The following IL1RAP variants were observed in gnomAD, a reference collection of about 807,000 sequenced individuals.
IL1RAP encodes interleukin-1 receptor accessory protein.
A neutral mutation model predicts 60.7 loss-of-function variants in IL1RAP; 35 were observed. The ratio of observed to expected loss-of-function variants is 0.58; its 90% CI spans 0.44 to 0.76. The LOEUF is 0.76. IL1RAP is among the 30% of genes least tolerant of loss of function. The pLI is 0.00. For missense variants in IL1RAP, 572 were observed against 693.9 expected (o/e 0.82, Z 1.97); for synonymous variants, 268 against 250.9 (o/e 1.07, Z -0.64).
chr3:190,613,352 G>A (rs570089203), intron 5 of IL1RAP, among the ~76,000 whole-genome samples: 2 of 152,250 alleles, frequency 1.3e-5, no homozygotes, highest in South Asian at 2.1e-4. Context: ...TCTAGCTGGC[G>A]GGTGGCAGTG....
intron 3 of IL1RAP, among the ~76,000 whole-genome samples, chr3:190,587,623 A>G (rs1728577485): frequency 6.6e-6 from 1 of 152,262 alleles, no homozygotes; most frequent in African/African-American, 2.4e-5. Flanking sequence ...GAATTCCTAT[A>G]TTCAAAGAAA....
intron 3 of IL1RAP, among the ~76,000 whole-genome samples, chr3:190,565,067 G>A (rs1726256230): frequency 6.6e-6 from 1 of 151,578 alleles, no homozygotes; most frequent in Non-Finnish European, 1.5e-5. Flanking sequence ...TTCTTAGAAA[G>A]TTTTTAGTAC....
intron 2 of IL1RAP, among the ~76,000 whole-genome samples, chr3:190,556,522 G>A (rs554654314): frequency 6.6e-6 from 1 of 152,294 alleles, no homozygotes; most frequent in South Asian, 2.1e-4. Flanking sequence ...GAGGCCTAGA[G>A]AAGGGAAACC....
intron 1 of IL1RAP, among the ~76,000 whole-genome samples, chr3:190,552,700 G>A (rs1476193678): frequency 1.3e-5 from 2 of 152,064 alleles, no homozygotes; most frequent in Non-Finnish European, 2.9e-5. Context: ...GCCTCTGAGT[G>A]CTTTAATTTT....
At chr3:190,658,438 TTGAGC>T (rs1734684266) in exon 12 of IL1RAP, 1 of 152,222 alleles carries the variant, frequency 6.6e-6, no homozygotes, top group Non-Finnish European at 1.5e-5. Context: ...GCTGTTACAA[TTGAGC>T]TGATCTGACC....
intron 4 of IL1RAP, among the ~76,000 whole-genome samples, chr3:190,604,785 T>C (rs1730157486): frequency 6.6e-6 from 1 of 152,178 alleles, no homozygotes; most frequent in African/African-American, 2.4e-5. Context: ...GTATCTGTTT[T>C]TCTTGGCATC....
intron 2 of IL1RAP, among the ~76,000 whole-genome samples, chr3:190,561,071 T>G (rs1725845370): frequency 6.6e-6 from 1 of 152,158 alleles, no homozygotes; most frequent in Admixed American, 6.5e-5. Context: ...GCAGGGTCTG[T>G]TAGGCCCCAT....
intron 3 of IL1RAP, among the ~76,000 whole-genome samples, chr3:190,602,386 CATTA>C (rs1376097705): frequency 6.6e-6 from 1 of 151,966 alleles, no homozygotes; most frequent in Non-Finnish European, 1.5e-5. Context: ...ATTTTATAAT[CATTA>C]ATTACTTATA....
downstream of IL1RAP, among the ~76,000 whole-genome samples, chr3:190,654,187 A>G (rs899156771): frequency 3.2e-5 from 2 of 61,650 alleles, no homozygotes; most frequent in Admixed American, 3.9e-4. Context: ...GTGAAACATC[A>G]TATCACACAC....
intron 1 of IL1RAP, among the ~76,000 whole-genome samples, chr3:190,555,288 C>T (rs1725310022): frequency 7.9e-6 from 1 of 126,118 alleles, no homozygotes; most frequent in Non-Finnish European, 1.7e-5. Flanking sequence ...AAGTGATGTG[C>T]TCCTTCCTCC....
intron 9 of IL1RAP, among the ~76,000 whole-genome samples, chr3:190,639,311 G>C (rs959877533): frequency 6.6e-6 from 1 of 152,034 alleles, no homozygotes; most frequent in Admixed American, 6.6e-5. Flanking sequence ...CACTGATCTC[G>C]TTATTTTTAT....
At chr3:190,519,310 GAACA>G (rs1032844128) in intron 1 of IL1RAP, among the ~76,000 whole-genome samples, 3 of 152,108 alleles carry the variant, frequency 2.0e-5, no homozygotes, top group East Asian at 1.9e-4. Context: ...GTATTTTTCT[GAACA>G]AACAAAGATG....
At chr3:190,537,047 C>T (rs1723527696) in intron 1 of IL1RAP, among the ~76,000 whole-genome samples, 1 of 151,984 alleles carries the variant, frequency 6.6e-6, no homozygotes, top group African/African-American at 2.4e-5. Context: ...AACTTTTAGA[C>T]ATTTACTTAT....
At chr3:190,526,446 C>T (rs887568279) in intron 1 of IL1RAP, among the ~76,000 whole-genome samples, 2 of 152,268 alleles carry the variant, frequency 1.3e-5, no homozygotes, top group South Asian at 2.1e-4. Flanking sequence ...GTTCAATAAG[C>T]GTATTGAATC....
intron 1 of IL1RAP, chr3:190,518,553 TCTGTGTTCATGCTG>T (rs1363945696): frequency 6.6e-6 from 1 of 152,176 alleles, no homozygotes; most frequent in Admixed American, 6.5e-5. Flanking sequence ...TATGTATTAG[TCTGTGTTCATGCTG>T]CTGATAAAGA....
At position 190,591,805 on chromosome 3, in the gene IL1RAP, G is replaced by A. The variant is rs547430206; in HGVS notation, c.65-12323G>A. 4.6e-5 allele frequency among the ~76,000 whole-genome samples: 7 copies of A among 152,178 alleles called. No homozygotes were observed. In the South Asian group the frequency reaches 1.5e-3, roughly 32 times the overall value. On this transcript the variant is annotated intron_variant, in intron 3 of 11. Coordinates refer to ENST00000447382, the MANE Select transcript of IL1RAP (RefSeq NM_002182.4). ...CATGGATTAGAAAAGATAGCTTGGA[G>A]GGAAAAAAACCCCCACAAAAACAAG... is the stretch of plus-strand genomic sequence containing the variant.
intron 3 of IL1RAP, among the ~76,000 whole-genome samples, chr3:190,576,958 G>A (rs1022196682): frequency 2.0e-4 from 30 of 151,988 alleles, no homozygotes; most frequent in Non-Finnish European, 2.9e-4. Context: ...AAAATTAGCC[G>A]GGCGCGGTGG....
chr3:190,624,562 G>A (rs1577759722), intron 7 of IL1RAP: 1 of 152,786 alleles, frequency 6.5e-6, no homozygotes, highest in Non-Finnish European at 1.5e-5. Flanking sequence ...TTTAAAATGT[G>A]CTAAAGATAA....
chr3:190,565,267 A>G (rs1726284344), intron 3 of IL1RAP, among the ~76,000 whole-genome samples: 1 of 152,134 alleles, frequency 6.6e-6, no homozygotes, highest in Admixed American at 6.5e-5. Context: ...TCCTCATTTT[A>G]TAAAGCTTTT....
Sources: gnomAD v4.1 joint callset for allele counts (sites outside exome capture counted in the v4.1 genomes callset) on GRCh38, gnomAD v4.1.1 for gene constraint, MANE v1.5 for transcripts, NCBI Gene and HGNC (gene_info 2026-07-23, HGNC 2026-07-21) for gene names.